GALNT10: variants seen among roughly 807,000 people sequenced by gnomAD.
GALNT10 encodes GalNAc transferase 10.
In GALNT10, 41 loss-of-function variants were observed where a neutral mutation model predicts 75.0. That is an observed-to-expected ratio of 0.55 (90% CI 0.43 to 0.71). The LOEUF is 0.71. Ranked by LOEUF, GALNT10 falls within the 30% of genes least tolerant of loss-of-function variation. The probability of loss-of-function intolerance (pLI) is 0.00; values close to 1 mark genes in which losing one functional copy is unlikely to be tolerated. For synonymous variants in GALNT10, 302 were observed against 313.0 expected (o/e 0.96, Z 0.37); for missense variants, 727 against 818.5 (o/e 0.89, Z 1.36).
At chr5:154,301,153 TG>T (rs1754350659) in intron 3 of GALNT10, among the ~76,000 whole-genome samples, 1 of 152,220 alleles carries the variant, frequency 6.6e-6, no homozygotes, top group South Asian at 2.1e-4. Flanking sequence ...CAGGGGAGTC[TG>T]TGAAGTTGGA....
chr5:154,404,842 A>G (rs1374909748), intron 8 of GALNT10, among the ~76,000 whole-genome samples: 2 of 152,228 alleles, frequency 1.3e-5, no homozygotes, highest in Non-Finnish European at 2.9e-5. Flanking sequence ...TCTTACTGCC[A>G]AAACCTCTGC....
At chr5:154,306,727 A>AAAC (rs144641314) in intron 3 of GALNT10, among the ~76,000 whole-genome samples, 37 of 152,210 alleles carry the variant, frequency 2.4e-4, no homozygotes, top group African/African-American at 8.2e-4. Context: ...GCTGGTCAAA[A>AAAC]AACAACAACA....
chr5:154,196,029 T>C (rs1474132247), intron 1 of GALNT10, among the ~76,000 whole-genome samples: 1 of 152,188 alleles, frequency 6.6e-6, no homozygotes, highest in Non-Finnish European at 1.5e-5. Flanking sequence ...TTCAAGTGAT[T>C]CTCCTGCCTC....
chr5:154,379,832 CTTCCTGGGGCAGTTCA>C (rs1755706968), intron 5 of GALNT10, among the ~76,000 whole-genome samples: 1 of 152,208 alleles, frequency 6.6e-6, no homozygotes, highest in South Asian at 2.1e-4. Flanking sequence ...GGAACTCAAA[CTTCCTGGGGCAGTTCA>C]TTCCCCCATC....
At chr5:154,247,285 C>G (rs1753442479) in intron 1 of GALNT10, among the ~76,000 whole-genome samples, 1 of 152,138 alleles carries the variant, frequency 6.6e-6, no homozygotes, top group African/African-American at 2.4e-5. Context: ...ATTGACTTGG[C>G]AATGCGGGCT....
chr5:154,217,545 G>A lies in GALNT10; in HGVS notation c.159+26520G>A, dbSNP rs117304148. ...GTACCGCGTCCCTGTCTCGTCTCAA[G>A]AAAGCAGGTAGTGGAAGAGATGGAG... is the stretch of plus-strand genomic sequence containing the variant. On this transcript the variant is annotated intron_variant, in intron 1 of 11. Transcript: ENST00000297107. 1.4e-4 allele frequency among the ~76,000 whole-genome samples: 22 copies of A among 152,350 alleles called. No individual in the cohort carries two copies. The East Asian group carries it at 4.2e-3, about 29-fold the overall frequency.
At chr5:154,264,909 A>G (rs1753756203) in intron 1 of GALNT10, among the ~76,000 whole-genome samples, 2 of 152,190 alleles carry the variant, frequency 1.3e-5, no homozygotes. Context: ...AACTGTCAAA[A>G]GAGTGGGCTT....
At position 154,416,942 on chromosome 5, in the gene GALNT10, A is replaced by G; in HGVS notation, c.1782A>G (p.Ser594=). ...AGTGGCTGTTTGAACACACCAACTC[A>G]ACAGTCTTGGAAAAATTCAATAGGA... ...TQQWLFEHTN[S]TVLEKFNRN Residue 594 remains serine, a synonymous_variant, in exon 12 of 12, where the codon TCA becomes TCG. Coordinates refer to ENST00000297107, the MANE Select transcript of GALNT10 (RefSeq NM_198321.4). This position sits in a 1 kb window ranked among gnomAD's most constrained non-coding sequence, Gnocchi z 4.5. 2 of 1,614,158 alleles carry G rather than the reference A, an allele frequency of 1.2e-6. No individual in the cohort carries two copies. The highest frequency in any genetic ancestry group is 1.7e-6 in the Non-Finnish European group (2 of 1,180,012).
chr5:154,344,321 C>T (rs1324616332), intron 4 of GALNT10, among the ~76,000 whole-genome samples: 1 of 151,338 alleles, frequency 6.6e-6, no homozygotes, highest in African/African-American at 2.4e-5. Flanking sequence ...AAGTGATTCT[C>T]CTGCCTCAGC....
At chr5:154,193,390 AT>A (rs1253985158) in intron 1 of GALNT10, among the ~76,000 whole-genome samples, 1 of 152,216 alleles carries the variant, frequency 6.6e-6, no homozygotes, top group Non-Finnish European at 1.5e-5. Flanking sequence ...CGTTGTTTGA[AT>A]GTCAGCTGGC....
intron 1 of GALNT10, among the ~76,000 whole-genome samples, chr5:154,255,281 T>A (rs1753589878): frequency 6.6e-6 from 1 of 152,068 alleles, no homozygotes; most frequent in South Asian, 2.1e-4. Flanking sequence ...CCCTCAATTA[T>A]GTGAGGGAAA....
chr5:154,262,426 G>A (rs1445428525), intron 1 of GALNT10, among the ~76,000 whole-genome samples: 2 of 152,136 alleles, frequency 1.3e-5, no homozygotes, highest in African/African-American at 2.4e-5. Flanking sequence ...AGTGGGGCTG[G>A]TAGGTATTAT....
At chr5:154,220,792 G>A (rs1386765100) in intron 1 of GALNT10, among the ~76,000 whole-genome samples, 1 of 152,186 alleles carries the variant, frequency 6.6e-6, no homozygotes, top group Non-Finnish European at 1.5e-5. Flanking sequence ...CAGACTCTGG[G>A]GTGAACACAA....
At chr5:154,362,934 G>A (rs1296808364) in intron 4 of GALNT10, among the ~76,000 whole-genome samples, 3 of 152,198 alleles carry the variant, frequency 2.0e-5, no homozygotes, top group Non-Finnish European at 2.9e-5. Flanking sequence ...GGCATAAGCT[G>A]TTGAATCACA....
At chr5:154,351,812 G>T (rs1455634704) in intron 4 of GALNT10, among the ~76,000 whole-genome samples, 1 of 152,162 alleles carries the variant, frequency 6.6e-6, no homozygotes, top group Non-Finnish European at 1.5e-5. Context: ...AAAATGACTT[G>T]CCTGAGGTTA....
At chr5:154,300,318 G>A (rs1214790592) in intron 3 of GALNT10, among the ~76,000 whole-genome samples, 1 of 152,102 alleles carries the variant, frequency 6.6e-6, no homozygotes, top group Non-Finnish European at 1.5e-5. Context: ...AAGTTCACCT[G>A]GGGAGTTCAT....
chr5:154,274,826 C>T (rs138972105), intron 1 of GALNT10, among the ~76,000 whole-genome samples: 225 of 152,318 alleles, frequency 1.5e-3, no homozygotes, highest in African/African-American at 5.4e-3. Context: ...ACATCTAGTT[C>T]CATTGGCCCT....
intron 4 of GALNT10, among the ~76,000 whole-genome samples, chr5:154,333,383 C>CGT (rs1319810631): frequency 6.6e-6 from 1 of 152,174 alleles, no homozygotes; most frequent in Non-Finnish European, 1.5e-5. Flanking sequence ...ACACGTTATT[C>CGT]CTTTCTATTT....
rs1436081019 is a variant in GALNT10 at position 154,298,948 on chromosome 5, G to A, written c.401+869G>A. Among the ~76,000 whole-genome samples the A allele has an allele frequency of 6.6e-6, 1 of 152,140 alleles. No homozygotes were observed. Among genetic ancestry groups the A allele is most frequent in the Non-Finnish European group, 1.5e-5 (1 of 68,038 alleles). On this transcript the variant is annotated intron_variant, in intron 3 of 11. Transcript: ENST00000297107. This position sits in a 1 kb window ranked among gnomAD's most constrained non-coding sequence, Gnocchi z 4.1. The stretch of plus-strand genomic sequence containing the variant: ...AAATAGGCTCCCTGGGGATGCTGGC[G>A]CTGCTTATCTTGGGACCACACTTTG...
Sources: allele counts gnomAD v4.1 joint callset (sites outside exome capture counted in the v4.1 genomes callset), GRCh38; gene constraint gnomAD v4.1.1; non-coding constraint Gnocchi (gnomAD v3.1); transcripts MANE v1.5; gene names NCBI Gene and HGNC (gene_info 2026-07-23, HGNC 2026-07-21).